Variants in SPMIP3 observed in about 807,000 individuals in gnomAD.
SPMIP3 encodes the protein protein SPMIP3.
At chr1:244,382,036 G>A in the SPMIP3 span, among the ~76,000 whole-genome samples, 1 of 152,194 alleles carries the variant, frequency 6.6e-6, no homozygotes, top group Non-Finnish European at 1.5e-5. Context: ...GAATACCAGG[G>A]GGCAAGAATC....
chr1:244,382,856 CCT>C, the SPMIP3 span, among the ~76,000 whole-genome samples: 12 of 151,748 alleles, frequency 7.9e-5, no homozygotes, highest in African/African-American at 2.9e-4. Flanking sequence ...CCTGACTTGG[CCT>C]CTCAAAGTGC....
the SPMIP3 span, among the ~76,000 whole-genome samples, chr1:244,362,545 G>T: frequency 1.3e-5 from 2 of 152,098 alleles, no homozygotes; most frequent in Admixed American, 6.6e-5. Context: ...CTTTCTCAAA[G>T]ATGTTTTCAA....
chr1:244,382,910 G>A, the SPMIP3 span, among the ~76,000 whole-genome samples: 1 of 151,812 alleles, frequency 6.6e-6, no homozygotes, highest in African/African-American at 2.4e-5. Flanking sequence ...CCCTCTGGCT[G>A]CTGTGAAGAC....
chr1:244,353,190 C>T, the SPMIP3 span, among the ~76,000 whole-genome samples: 323 of 152,176 alleles, frequency 2.1e-3, 3 homozygotes, highest in African/African-American at 7.1e-3. Context: ...GGCCACCAAA[C>T]GAAGTGGTCC....
At chr1:244,376,604 G>T in the SPMIP3 span, 1 of 152,142 alleles carries the variant, frequency 6.6e-6, no homozygotes, top group Non-Finnish European at 1.5e-5. Flanking sequence ...ACATCAAAGT[G>T]GGACGGGATG....
chr1:244,382,751 G>A, the SPMIP3 span, among the ~76,000 whole-genome samples: 8 of 151,654 alleles, frequency 5.3e-5, no homozygotes, highest in South Asian at 2.1e-4. Context: ...CTACAGGCGC[G>A]CACCACCAGG....
the SPMIP3 span, among the ~76,000 whole-genome samples, chr1:244,377,331 A>C: frequency 6.6e-6 from 1 of 150,562 alleles, no homozygotes; most frequent in Admixed American, 6.6e-5. Flanking sequence ...TCACCGTGTT[A>C]GCCAGGATGG....
the SPMIP3 span, chr1:244,375,308 A>G: frequency 2.3e-6 from 3 of 1,321,336 alleles, no homozygotes; most frequent in East Asian, 4.7e-5. Flanking sequence ...CGCAGCTGGC[A>G]TTCTTCTGGA....
At chr1:244,373,336 A>G in the SPMIP3 span, among the ~76,000 whole-genome samples, 2 of 127,180 alleles carry the variant, frequency 1.6e-5, 1 homozygote, top group African/African-American at 6.0e-5. Flanking sequence ...AAAAAATTAT[A>G]TATATATATA....
the SPMIP3 span, among the ~76,000 whole-genome samples, chr1:244,386,483 G>A: frequency 7.9e-5 from 12 of 152,302 alleles, no homozygotes; most frequent in African/African-American, 2.4e-4. Context: ...AACATTGACT[G>A]TTGAGTTCAC....
At chr1:244,380,026 C>T in the SPMIP3 span, among the ~76,000 whole-genome samples, 92 of 151,224 alleles carry the variant, frequency 6.1e-4, 1 homozygote, top group African/African-American at 2.1e-3. Context: ...TGGGGGAGGA[C>T]ATGTAGACAC....
chr1:244,355,213 G>C, the SPMIP3 span, among the ~76,000 whole-genome samples: 1 of 152,158 alleles, frequency 6.6e-6, no homozygotes, highest in African/African-American at 2.4e-5. Context: ...TGAACAACTT[G>C]CAGGATTATT....
At chr1:244,375,371 G>C in the SPMIP3 span, 1 of 1,612,252 alleles carries the variant, frequency 6.2e-7, no homozygotes, top group Non-Finnish European at 8.5e-7. Flanking sequence ...TTCTGCTCTA[G>C]TATATTCATC....
chr1:244,365,613 G>A, the SPMIP3 span, among the ~76,000 whole-genome samples: 2 of 152,140 alleles, frequency 1.3e-5, no homozygotes, highest in Non-Finnish European at 2.9e-5. Flanking sequence ...AATACAAGGG[G>A]TTAATCAGAA....
chr1:244,380,447 A>T, the SPMIP3 span, among the ~76,000 whole-genome samples: 1 of 152,182 alleles, frequency 6.6e-6, no homozygotes, highest in Non-Finnish European at 1.5e-5. Context: ...AGTAAACCTC[A>T]ATATTTTGGA....
the SPMIP3 span, among the ~76,000 whole-genome samples, chr1:244,365,607 C>T: frequency 9.2e-5 from 14 of 152,196 alleles, no homozygotes; most frequent in African/African-American, 3.1e-4. Flanking sequence ...TGGGCTAATA[C>T]AAGGGGTTAA....
At chr1:244,369,121 C>G in the SPMIP3 span, among the ~76,000 whole-genome samples, 1 of 152,124 alleles carries the variant, frequency 6.6e-6, no homozygotes, top group Non-Finnish European at 1.5e-5. Flanking sequence ...GATTGCACCA[C>G]TGCACTCCAG....
the SPMIP3 span, among the ~76,000 whole-genome samples, chr1:244,388,291 A>G: frequency 6.6e-6 from 1 of 152,144 alleles, no homozygotes; most frequent in African/African-American, 2.4e-5. Flanking sequence ...TATTCAATTT[A>G]AAGAGTAATA....
chr1:244,374,587 C>CTTTTT, the SPMIP3 span, among the ~76,000 whole-genome samples: 35 of 74,630 alleles, frequency 4.7e-4, 3 homozygotes, highest in Admixed American at 9.2e-4. Flanking sequence ...CCACATTTCT[C>CTTTTT]TTTTTTTTTT....
Sources: gnomAD v4.1 joint callset for allele counts (sites outside exome capture counted in the v4.1 genomes callset) on GRCh38, gnomAD v4.1.1 for gene constraint, MANE v1.5 for transcripts, NCBI Gene and HGNC (gene_info 2026-07-23, HGNC 2026-07-21) for gene names.